The following SPON1 variants were observed in gnomAD, a reference collection of about 807,000 sequenced individuals.
SPON1 encodes the protein spondin 1.
A neutral mutation model predicts 111.7 loss-of-function variants in SPON1; 52 were observed. The observed-to-expected ratio is 0.47, with a 90% confidence interval of 0.37 to 0.59. The LOEUF is 0.59. SPON1 is among the 20% of genes least tolerant of loss of function. The pLI is 0.00. For synonymous variants in SPON1, 410 were observed against 395.8 expected (o/e 1.04, Z -0.43); for missense variants, 957 against 1,068.5 (o/e 0.90, Z 1.46).
At chr11:13,991,038 CAATT>C (rs1554911114) in intron 2 of SPON1, among the ~76,000 whole-genome samples, 1 of 152,114 alleles carries the variant, frequency 6.6e-6, no homozygotes, top group Non-Finnish European at 1.5e-5. Flanking sequence ...GTGAATCTGA[CAATT>C]AATGTGTCTT....
At chr11:14,258,556 C>T (rs974349752) in intron 11 of SPON1, among the ~76,000 whole-genome samples, 20 of 152,304 alleles carry the variant, frequency 1.3e-4, no homozygotes, top group South Asian at 6.2e-4. Flanking sequence ...TATAGGATGC[C>T]ATAAGGCAAT....
chr11:14,153,115 ACTT>A (rs1315655060), intron 6 of SPON1, among the ~76,000 whole-genome samples: 2 of 152,106 alleles, frequency 1.3e-5, no homozygotes, highest in Admixed American at 6.6e-5. Flanking sequence ...TGTTAGTTTT[ACTT>A]CTTCTTCTAT....
intron 7 of SPON1, among the ~76,000 whole-genome samples, chr11:14,253,049 C>T (rs1230154596): frequency 1.3e-5 from 2 of 152,210 alleles, no homozygotes; most frequent in African/African-American, 4.8e-5. Context: ...GTAGACTGGC[C>T]TGTCAGGGCC....
chr11:14,193,718 C>T (rs1848371753), intron 6 of SPON1, among the ~76,000 whole-genome samples: 1 of 152,150 alleles, frequency 6.6e-6, no homozygotes, highest in Non-Finnish European at 1.5e-5. Context: ...TGCCTGGAAT[C>T]CCTGAGGCAG....
chr11:14,206,318 C>G (rs1848516708), intron 6 of SPON1, among the ~76,000 whole-genome samples: 1 of 152,076 alleles, frequency 6.6e-6, no homozygotes, highest in Non-Finnish European at 1.5e-5. Context: ...CTCAGCCTCC[C>G]AAGAAGCTGG....
chr11:14,081,348 A>C (rs1346898452), intron 5 of SPON1, among the ~76,000 whole-genome samples: 1 of 152,222 alleles, frequency 6.6e-6, no homozygotes, highest in Non-Finnish European at 1.5e-5. Context: ...CCAAATAGTC[A>C]TGCAGAAAGA....
At chr11:13,969,217 A>C (rs1316231152) in intron 1 of SPON1, among the ~76,000 whole-genome samples, 2 of 70,224 alleles carry the variant, frequency 2.8e-5, no homozygotes, top group African/African-American at 2.0e-4. Context: ...CATCTCTACA[A>C]AAAAAAAAAA....
intron 3 of SPON1, among the ~76,000 whole-genome samples, chr11:14,071,497 T>C (rs1848875861): frequency 1.3e-5 from 2 of 152,110 alleles, no homozygotes; most frequent in Admixed American, 1.3e-4. Flanking sequence ...GCCCTATGTC[T>C]AACGACCCAC....
intron 6 of SPON1, among the ~76,000 whole-genome samples, chr11:14,210,373 C>CTTTTTTTTTTTTTTTTTTTTTT (rs79378171): frequency 7.5e-6 from 1 of 133,726 alleles, no homozygotes; most frequent in African/African-American, 2.7e-5. Context: ...TTTCTTTTTC[C>CTTTTTTTTTTTTTTTTTTTTTT]TTTTTTTTTT....
chr11:14,031,542 G>A (rs1564889629), intron 2 of SPON1, among the ~76,000 whole-genome samples: 1 of 151,912 alleles, frequency 6.6e-6, no homozygotes, highest in Non-Finnish European at 1.5e-5. Context: ...TAGGACAAAT[G>A]GAAAAAGAAA....
At chr11:14,162,153 G>A (rs1847973085) in intron 6 of SPON1, among the ~76,000 whole-genome samples, 1 of 99,622 alleles carries the variant, frequency 1.0e-5, no homozygotes, top group Admixed American at 1.2e-4. Context: ...GCAAGACTCT[G>A]TCTCAAAAAA....
At chr11:14,242,047 G>A (rs1419708383) in intron 6 of SPON1, among the ~76,000 whole-genome samples, 1 of 152,066 alleles carries the variant, frequency 6.6e-6, no homozygotes, top group Non-Finnish European at 1.5e-5. Context: ...ACCACGCTGG[G>A]TCTGGCTAAG....
In SPON1 at chr11:14,124,497, C is replaced by T. The variant is rs148803916; in HGVS notation, c.677-10923C>T. Among the ~76,000 whole-genome samples, 63 of 152,332 alleles carry T rather than the reference C, an allele frequency of 4.1e-4. No individual in the cohort carries two copies. In the East Asian group the frequency reaches 0.011, roughly 27 times the overall value. ...ATTGTAATTGCCTGTTATGACCTAT[C>T]TTCCATGCCCTTCACACCCCACCCT... On this transcript the variant is annotated intron_variant, in intron 5 of 15. Transcript: ENST00000576479.
At position 14,159,369 on chromosome 11, in the gene SPON1, G is replaced by A. The variant is rs189817360; in HGVS notation, c.825+23801G>A. 2.9e-3 allele frequency among the ~76,000 whole-genome samples: 438 copies of A among 151,866 alleles called. 1 individual carries two copies. The highest frequency in any genetic ancestry group is 1.0e-2 in the African/African-American group (411 of 41,280). ...CAGTTAAAATGGCTTATATCTAAAA[G>A]ACAGGCAATAAAAAATACTGTTGAG... On this transcript the variant is annotated intron_variant, in intron 6 of 15. Transcript: ENST00000576479.
At chr11:14,104,909 CTA>C (rs1421076365) in intron 5 of SPON1, among the ~76,000 whole-genome samples, 1 of 152,058 alleles carries the variant, frequency 6.6e-6, no homozygotes, top group African/African-American at 2.4e-5. Context: ...CTTCTTTACT[CTA>C]TGGTATGTAC....
chr11:14,160,464 TATA>T (rs1847903501), intron 6 of SPON1, among the ~76,000 whole-genome samples: 1 of 24,838 alleles, frequency 4.0e-5, no homozygotes, highest in Non-Finnish European at 6.3e-5. Context: ...TTTATATATA[TATA>T]TTTATATATA....
At chr11:14,235,205 CG>C (rs1554939096) in intron 6 of SPON1, among the ~76,000 whole-genome samples, 1 of 152,192 alleles carries the variant, frequency 6.6e-6, no homozygotes, top group Non-Finnish European at 1.5e-5. Flanking sequence ...GGAGTGCCCA[CG>C]GACTGGGCCT....
At chr11:14,022,027 C>T (rs1350836102) in intron 2 of SPON1, among the ~76,000 whole-genome samples, 1 of 152,198 alleles carries the variant, frequency 6.6e-6, no homozygotes, top group Non-Finnish European at 1.5e-5. Context: ...TGGCAACACA[C>T]ATCCAGAAAG....
At chr11:14,000,951 T>C (rs1554912372) in intron 2 of SPON1, among the ~76,000 whole-genome samples, 1 of 152,162 alleles carries the variant, frequency 6.6e-6, no homozygotes, top group Non-Finnish European at 1.5e-5. Flanking sequence ...GTCGAAGAGT[T>C]GTATAAGAAC....
Sources: allele counts gnomAD v4.1 joint callset (sites outside exome capture counted in the v4.1 genomes callset), GRCh38; gene constraint gnomAD v4.1.1; transcripts MANE v1.5; gene names NCBI Gene and HGNC (gene_info 2026-07-23, HGNC 2026-07-21).